Variants in BLVRB observed in about 807,000 individuals in gnomAD.
The protein encoded by BLVRB is biliverdin reductase B.
Under a neutral mutation model 21.1 loss-of-function variants are expected in BLVRB, and 25 were observed. The observed-to-expected ratio is 1.19, with a 90% confidence interval of 0.86 to 1.66. The LOEUF is 1.66. Among genes scored for constraint, BLVRB ranks in the 40% most tolerant of loss-of-function variants. The probability of loss-of-function intolerance (pLI) is 0.00; values close to 1 mark genes in which losing one functional copy is unlikely to be tolerated. For missense variants in BLVRB, 274 were observed against 282.7 expected (o/e 0.97, Z 0.22); for synonymous variants, 128 against 122.2 (o/e 1.05, Z -0.31).
At chr19:40,451,221 G>T in intron 4 of BLVRB, 143 bp downstream of exon 4, 2 of 1,275,850 alleles carry the variant, frequency 1.6e-6, no homozygotes, top group Non-Finnish European at 2.1e-6. Context: ...AGGAAACAGG[G>T]ACAAAGGCCA....
rs147547371 is a variant in BLVRB, at chr19:40,451,366, A to G, written c.461T>C (p.Ile154Thr). The G allele has an allele frequency of 6.7e-5, 107 of 1,601,896 alleles. No individual in the cohort carries two copies. Among genetic ancestry groups the G allele is most frequent in the Non-Finnish European group, 8.9e-5 (104 of 1,174,648 alleles). The change falls in exon 4 of 5, where the codon ATA becomes ACA. Residue 154 changes from isoleucine to threonine, a missense_variant and splice_region_variant. Ile to Thr is a moderately conservative substitution (Grantham distance 89). Transcript: ENST00000263368. ...CACCAGGTCCCTGCCCTGCTTACCT[A>G]TGTGTGGCGGCATCACAGCCACGTA... The part of the protein sequence containing the change: ...LKYVAVMPPH[I>T]GDQPLTGAYT...
intron 1 of BLVRB, among the ~76,000 whole-genome samples, chr19:40,464,069 T>C (rs1228078118): frequency 6.6e-6 from 1 of 150,540 alleles, no homozygotes; most frequent in Admixed American, 6.6e-5. Context: ...ACCCAGCCTC[T>C]TTTTCTTTCT....
chr19:40,448,611 AT>A (rs1362860586), intron 4 of BLVRB, among the ~76,000 whole-genome samples: 964 of 22,032 alleles, frequency 0.044, 19 homozygotes, highest in African/African-American at 0.098. Flanking sequence ...AACAACAAAT[AT>A]ATATATATAT....
intron 4 of BLVRB, 148 bp from the exon 5 acceptor site, chr19:40,448,194 T>C (rs2079722844): frequency 1.3e-6 from 1 of 764,052 alleles, no homozygotes; most frequent in African/African-American, 1.8e-5. Flanking sequence ...CATATGCAGG[T>C]GCTCATCTAT....
chr19:40,448,173 A>G, intron 4 of BLVRB, 127 bp from the exon 5 acceptor site: 2 of 975,674 alleles, frequency 2.0e-6, no homozygotes, highest in Non-Finnish European at 3.0e-6. Flanking sequence ...CACAGCCAAG[A>G]ATGGACTTTC....
chr19:40,449,332 A>G (rs7255928), intron 4 of BLVRB, among the ~76,000 whole-genome samples: 85,131 of 151,564 alleles, frequency 0.56, 25,968 homozygotes, highest in African/African-American at 0.81. Flanking sequence ...TGCAACCTCC[A>G]CCTCCCAGGT....
chr19:40,462,930 A>G (rs897217872), intron 1 of BLVRB, among the ~76,000 whole-genome samples: 1 of 151,236 alleles, frequency 6.6e-6, no homozygotes, highest in Admixed American at 6.6e-5. Context: ...TCAGCCATCA[A>G]TACAAAAAAT....
chr19:40,454,781 G>A (rs981874300), intron 3 of BLVRB, among the ~76,000 whole-genome samples: 9 of 151,920 alleles, frequency 5.9e-5, no homozygotes, highest in Non-Finnish European at 1.0e-4. Context: ...TCCTGACCTC[G>A]TGATCCACCC....
At chr19:40,462,900 A>C (rs1322946817) in intron 1 of BLVRB, among the ~76,000 whole-genome samples, 2 of 150,574 alleles carry the variant, frequency 1.3e-5, no homozygotes. Context: ...CTCAAAAAAA[A>C]AAAAAAAAAA....
intron 1 of BLVRB, among the ~76,000 whole-genome samples, chr19:40,462,313 C>G (rs1325108844): frequency 1.3e-5 from 2 of 148,764 alleles, no homozygotes; most frequent in Admixed American, 1.3e-4. Flanking sequence ...AAGTCTCACT[C>G]TCTTGCCCAG....
intron 1 of BLVRB, among the ~76,000 whole-genome samples, chr19:40,459,364 G>T (rs1367047841): frequency 2.2e-5 from 1 of 46,118 alleles, no homozygotes; most frequent in Non-Finnish European, 4.5e-5. Flanking sequence ...AAAAAAAAAA[G>T]ACCATACCTT....
chr19:40,459,406 C>A (rs547941029), intron 1 of BLVRB, among the ~76,000 whole-genome samples: 21 of 145,582 alleles, frequency 1.4e-4, no homozygotes, highest in South Asian at 8.8e-4. Context: ...TGAACTGAAG[C>A]CTCCAAGCAC....
Position 40,456,322 on chromosome 19 carries a change from C to A in BLVRB, c.334+1833G>T, listed in dbSNP as rs918990729. Among the ~76,000 whole-genome samples the A allele has an allele frequency of 1.3e-4, 19 of 151,770 alleles. 1 individual carries two copies. Among genetic ancestry groups the A allele is most frequent in the African/African-American group, 4.4e-4 (18 of 41,304 alleles). On this transcript the variant is annotated intron_variant, in intron 3 of 4. Coordinates refer to ENST00000263368, the MANE Select transcript of BLVRB (RefSeq NM_000713.3). ...CCTGTTGCCCCAGCTATTTGAGGGG[C>A]TAAAGTGAGGGGATTCCTTGAGCCC...
intron 3 of BLVRB, among the ~76,000 whole-genome samples, chr19:40,455,268 C>T (rs2079757720): frequency 6.6e-6 from 1 of 152,192 alleles, no homozygotes; most frequent in South Asian, 2.1e-4. Context: ...TTTACCTTGA[C>T]ATTTGAATAT....
rs1334542306 is a variant in BLVRB at position 40,465,709 on chromosome 19, C to T, written c.-21G>A. 1.2e-6 allele frequency: 2 copies of T among 1,611,370 alleles called. No homozygotes were observed. Among genetic ancestry groups the T allele is most frequent in the Non-Finnish European group, 1.7e-6 (2 of 1,179,062 alleles). On this transcript the variant is annotated 5_prime_UTR_variant, in exon 1 of 5. Transcript: ENST00000263368. ...GCCATCGTACGGGATCGTGGGGGTG[C>T]AAGGCCTCAGAGTCTCGGCACGCGC...
At chr19:40,462,172 G>A (rs2079790376) in intron 1 of BLVRB, among the ~76,000 whole-genome samples, 1 of 152,108 alleles carries the variant, frequency 6.6e-6, no homozygotes, top group African/African-American at 2.4e-5. Context: ...CACAGCACCA[G>A]CCTCCCCGTG....
chr19:40,449,698 C>G (rs12460618), intron 4 of BLVRB, among the ~76,000 whole-genome samples: 1 of 152,148 alleles, frequency 6.6e-6, no homozygotes, highest in Non-Finnish European at 1.5e-5. Context: ...GACAATGTTG[C>G]AATTCCTCTC....
At chr19:40,453,942 A>G (rs1599687316) in intron 3 of BLVRB, among the ~76,000 whole-genome samples, 1 of 152,238 alleles carries the variant, frequency 6.6e-6, no homozygotes, top group African/African-American at 2.4e-5. Flanking sequence ...CTGTGATTGC[A>G]CCGCTGCACT....
chr19:40,455,458 CA>C (rs1332994704), intron 3 of BLVRB, among the ~76,000 whole-genome samples: 1 of 152,088 alleles, frequency 6.6e-6, no homozygotes, highest in African/African-American at 2.4e-5. Flanking sequence ...GCCTGTAATC[CA>C]GCACTTTGGG....
Sources: gnomAD v4.1 joint callset for allele counts (sites outside exome capture counted in the v4.1 genomes callset) on GRCh38, gnomAD v4.1.1 for gene constraint, MANE v1.5 for transcripts, NCBI Gene and HGNC (gene_info 2026-07-23, HGNC 2026-07-21) for gene names.